The following HECW1 variants were observed in gnomAD, a reference collection of about 807,000 sequenced individuals.
HECW1 encodes E3 ubiquitin-protein ligase HECW1.
In HECW1, 61 loss-of-function variants were observed where a neutral mutation model predicts 182.3. The ratio of observed to expected loss-of-function variants is 0.33; its 90% CI spans 0.27 to 0.41. The LOEUF is 0.41. HECW1 is among the 10% of genes least tolerant of loss of function. The pLI is 1.00. For synonymous variants in HECW1, 859 were observed against 832.6 expected, an observed-to-expected ratio of 1.03 and a Z score of -0.55; for missense variants, 1,739 against 2,108.9, an observed-to-expected ratio of 0.82 and a Z score of 3.44.
chr7:43,231,844 G>A (rs1408752678), intron 2 of HECW1, among the ~76,000 whole-genome samples: 1 of 151,020 alleles, frequency 6.6e-6, no homozygotes, highest in Non-Finnish European at 1.5e-5. Flanking sequence ...GTGAAACCCT[G>A]TCTCTACTAA....
intron 29 of HECW1, among the ~76,000 whole-genome samples, chr7:43,558,714 T>C (rs1212056150): frequency 2.6e-5 from 4 of 152,078 alleles, no homozygotes; most frequent in Admixed American, 2.6e-4. Flanking sequence ...GAAGAGGACC[T>C]ACAAAGGAGG....
chr7:43,388,874 A>T (rs1400864187), intron 6 of HECW1, among the ~76,000 whole-genome samples: 1 of 152,178 alleles, frequency 6.6e-6, no homozygotes, highest in African/African-American at 2.4e-5. Context: ...GTGCCTCTTG[A>T]TGAGTTTGAA....
At chr7:43,429,779 A>G (rs909838724) in intron 8 of HECW1, among the ~76,000 whole-genome samples, 2 of 152,206 alleles carry the variant, frequency 1.3e-5, no homozygotes, top group African/African-American at 4.8e-5. Flanking sequence ...TTCCATTAGT[A>G]ATAAATAATG....
intron 8 of HECW1, among the ~76,000 whole-genome samples, chr7:43,437,134 C>G (rs2076737893): frequency 6.6e-6 from 1 of 152,220 alleles, no homozygotes; most frequent in African/African-American, 2.4e-5. Context: ...GCATCCCCCT[C>G]TAGACATTTT....
Position 43,407,544 on chromosome 7 carries a change from G to C in HECW1, c.632-18G>C, listed in dbSNP as rs754368378. 1.9e-6 allele frequency: 3 copies of C among 1,588,294 alleles called. No individual in the cohort carries two copies. Among genetic ancestry groups the C allele is most frequent in the Non-Finnish European group, 2.6e-6 (3 of 1,162,286 alleles). Reference sequence around the variant, plus strand: ...CTCCCTAAAACATATTTAAATTAAAGTATCCTTTATTTTATAGATTTCCAA... The same window carrying C: ...CTCCCTAAAACATATTTAAATTAAACTATCCTTTATTTTATAGATTTCCAA... On this transcript the variant is annotated intron_variant, in intron 7 of 29. Coordinates refer to ENST00000395891, the MANE Select transcript of HECW1 (RefSeq NM_015052.5).
intron 26 of HECW1, among the ~76,000 whole-genome samples, chr7:43,548,935 C>A (rs1265783083): frequency 2.0e-5 from 3 of 152,086 alleles, no homozygotes; most frequent in Non-Finnish European, 4.4e-5. Context: ...CAGAGTGAGA[C>A]CCTGTCTCAA....
intron 5 of HECW1, among the ~76,000 whole-genome samples, chr7:43,326,379 C>A (rs1810790450): frequency 6.6e-6 from 1 of 152,210 alleles, no homozygotes; most frequent in Non-Finnish European, 1.5e-5. Context: ...GGCTTCTAAG[C>A]CAGAGGCAGC....
chr7:43,549,193 A>G lies in HECW1; in HGVS notation c.4249-1252A>G, dbSNP rs113632216. On this transcript the variant is annotated intron_variant, in intron 26 of 29. Transcript: ENST00000395891. ...ATTGGACAGAATTTACTTACATGCC[A>G]CACCTAGCTGTGAGAGAGGTTGGAA... Among the ~76,000 whole-genome samples, 249 of 152,330 alleles carry G rather than the reference A, an allele frequency of 1.6e-3. 1 individual carries two copies. Among genetic ancestry groups the G allele is most frequent in the African/African-American group, 5.8e-3 (242 of 41,570 alleles).
intron 2 of HECW1, among the ~76,000 whole-genome samples, chr7:43,233,523 G>A (rs73690277): frequency 0.021 from 3,183 of 152,272 alleles, 106 homozygotes; most frequent in African/African-American, 0.061. Context: ...GCAGGCCGAT[G>A]ATAGATTTTC....
At chr7:43,466,590 G>A (rs2077788808) in intron 15 of HECW1, 22 bp downstream of exon 15, 2 of 1,609,680 alleles carry the variant, frequency 1.2e-6, no homozygotes, top group Non-Finnish European at 8.5e-7. Context: ...AAAATGCAGA[G>A]GGGGCGGCCT....
intron 3 of HECW1, among the ~76,000 whole-genome samples, chr7:43,279,171 T>C (rs183451339): frequency 1.0e-3 from 158 of 152,324 alleles, no homozygotes; most frequent in African/African-American, 3.6e-3. Flanking sequence ...GTGCTATGTG[T>C]AAGGGCATTC....
intron 3 of HECW1, chr7:43,245,451 G>A (rs2152721328): frequency 6.6e-6 from 1 of 152,334 alleles, no homozygotes; most frequent in South Asian, 2.1e-4. Flanking sequence ...TCACATTCAG[G>A]AAGAATGCCG....
chr7:43,392,735 C>G (rs2075085087), intron 6 of HECW1, among the ~76,000 whole-genome samples: 3 of 152,142 alleles, frequency 2.0e-5, no homozygotes, highest in Non-Finnish European at 4.4e-5. Context: ...ACCACCTCAT[C>G]TTTCATGCAG....
At chr7:43,198,764 C>T (rs1794759303) in intron 2 of HECW1, among the ~76,000 whole-genome samples, 1 of 147,788 alleles carries the variant, frequency 6.8e-6, no homozygotes, top group Non-Finnish European at 1.5e-5. Context: ...TAGATTTGCA[C>T]ACTCTCTCAC....
chr7:43,334,169 G>T lies in HECW1; in HGVS notation c.460+13427G>T, dbSNP rs116607164. Among the ~76,000 whole-genome samples, 213 of 152,308 alleles carry T rather than the reference G, an allele frequency of 1.4e-3. 1 individual carries two copies. The highest frequency in any genetic ancestry group is 5.0e-3 in the African/African-American group (207 of 41,566). On this transcript the variant is annotated intron_variant, in intron 5 of 29. Transcript: ENST00000395891. ...AAAGTCCTGCCTGAACATTGTGTGT[G>T]CCTTCCTGAGTACTTTCGCAGCTTC...
chr7:43,405,045 T>C (rs2075559973), intron 7 of HECW1, among the ~76,000 whole-genome samples: 1 of 152,218 alleles, frequency 6.6e-6, no homozygotes, highest in Non-Finnish European at 1.5e-5. Flanking sequence ...ATCTCATCTC[T>C]GATGTCAACC....
chr7:43,135,576 T>A (rs1787436906), intron 2 of HECW1, among the ~76,000 whole-genome samples: 1 of 152,212 alleles, frequency 6.6e-6, no homozygotes, highest in Admixed American at 6.5e-5. Context: ...GCTTGTTTGG[T>A]CAATGTCTGA....
rs1375586963 is a variant in HECW1 at position 43,444,710 on chromosome 7, C to T, written c.1538C>T (p.Ser513Phe). 1.2e-6 allele frequency: 2 copies of T among 1,610,390 alleles called. No homozygotes were observed. Among genetic ancestry groups the T allele is most frequent in the African/African-American group, 1.3e-5 (1 of 74,802 alleles). The change falls in exon 11 of 30, where the codon TCT (serine) becomes TTT (phenylalanine). Residue 513 changes from serine (S) to phenylalanine (F), a missense_variant. By Grantham distance (155) the Ser-to-Phe change is radical (BLOSUM62 -2). Around this residue, in one of 5 missense-constraint regions of HECW1, gnomAD observed 971 missense variants for 1,029.1 expected, o/e 0.94. Transcript: ENST00000395891. The surrounding 1 kb of genome is among the most constrained non-coding windows in gnomAD (Gnocchi z 4.3). ...GAGCAGGAGGAGGAGGGAGATGTGTCTACCCTGGAGCAGGGAGAGGGCAGG... is the reference window on the plus strand; with the variant it reads ...GAGCAGGAGGAGGAGGGAGATGTGTTTACCCTGGAGCAGGGAGAGGGCAGG... ...EKEQEEEGDV[S>F]TLEQGEGRLQ...
chr7:43,459,536 T>C (rs2077510789), intron 13 of HECW1, among the ~76,000 whole-genome samples: 1 of 151,796 alleles, frequency 6.6e-6, no homozygotes, highest in South Asian at 2.1e-4. Flanking sequence ...ACCCCAAGGA[T>C]GATTTAGTTT....
Sources: allele counts gnomAD v4.1 joint callset (sites outside exome capture counted in the v4.1 genomes callset), GRCh38; gene constraint gnomAD v4.1.1; regional missense constraint gnomAD v4.1.1; non-coding constraint Gnocchi (gnomAD v3.1); transcripts MANE v1.5; gene names NCBI Gene and HGNC (gene_info 2026-07-23, HGNC 2026-07-21).